Variants in PAFAH1B2 observed in about 807,000 individuals in gnomAD.
PAFAH1B2 encodes the protein platelet activating factor acetylhydrolase 1b catalytic subunit 2, also known as platelet-activating factor acetylhydrolase IB subunit alpha2.
A neutral mutation model predicts 28.0 loss-of-function variants in PAFAH1B2; 8 were observed. The observed-to-expected ratio is 0.29, with a 90% CI of 0.17 to 0.52. The LOEUF is 0.52. Among genes scored for constraint, PAFAH1B2 ranks in the 20% least tolerant of loss-of-function variants. PAFAH1B2 has a pLI of 0.97. For synonymous variants in PAFAH1B2, 104 were observed against 103.2 expected, an observed-to-expected ratio of 1.01 and a Z score of -0.05; for missense variants, 190 against 282.6, an observed-to-expected ratio of 0.67 and a Z score of 2.35.
intron 2 of PAFAH1B2, among the ~76,000 whole-genome samples, chr11:117,155,690 T>TTA (rs147864583): frequency 2.2e-3 from 326 of 150,666 alleles, no homozygotes; most frequent in African/African-American, 3.1e-3. Flanking sequence ...GTAGGAAAAA[T>TTA]TATATATATA....
rs1956436948 is a variant in PAFAH1B2 at position 117,163,897 on chromosome 11, G to A, written c.411+5G>A. 1 of 1,612,860 alleles carries A rather than the reference G, an allele frequency of 6.2e-7. No individual in the cohort carries two copies. Among genetic ancestry groups the A allele is most frequent in the Non-Finnish European group, 8.5e-7 (1 of 1,179,484 alleles). The stretch of plus-strand genomic sequence containing the variant: ...CAGGCCAAAATCATTGTATTGGTAT[G>A]TAGTCGTTGGTGGGTAGAGAGTTTG... On this transcript the variant is annotated splice_donor_5th_base_variant and intron_variant, in intron 5 of 5. Coordinates refer to ENST00000527958, the MANE Select transcript of PAFAH1B2 (RefSeq NM_002572.4).
downstream of PAFAH1B2, among the ~76,000 whole-genome samples, chr11:117,174,471 A>G (rs1591760944): frequency 6.9e-6 from 1 of 145,356 alleles, no homozygotes; most frequent in South Asian, 2.2e-4. Flanking sequence ...GGCGTGAGTC[A>G]CCGCCCCTGG....
In PAFAH1B2 at chr11:117,168,973, T is replaced by C. The variant is rs1319301936; in HGVS notation, c.*1274T>C. Reference sequence around the variant, plus strand: ...GCCCGGCTAATTTTTATATTTTTATTAGAGACGGGATTTCGCCATGTTAAC... The same window carrying C: ...GCCCGGCTAATTTTTATATTTTTATCAGAGACGGGATTTCGCCATGTTAAC... On this transcript the variant is annotated 3_prime_UTR_variant, in exon 6 of 6. Transcript: ENST00000527958. 3.1e-6 allele frequency: 1 copy of C among 318,982 alleles called. No homozygotes were observed. Among genetic ancestry groups the C allele is most frequent in the Non-Finnish European group, 4.7e-6 (1 of 211,184 alleles). The allele number at this position is 318,982 out of a possible 1,614,324, so 19.8% of individuals were successfully genotyped here.
downstream of PAFAH1B2, among the ~76,000 whole-genome samples, chr11:117,173,394 G>A (rs1434135314): frequency 2.0e-5 from 3 of 152,208 alleles, no homozygotes; most frequent in Non-Finnish European, 2.9e-5. Flanking sequence ...TCCACTGTGA[G>A]TACTTAGGAC....
intron 4 of PAFAH1B2, among the ~76,000 whole-genome samples, chr11:117,162,647 A>G (rs1862106319): frequency 6.6e-6 from 1 of 151,388 alleles, no homozygotes; most frequent in Admixed American, 6.6e-5. Context: ...CACACACCTT[A>G]GGAAGCTGAG....
chr11:117,167,283 C>A, intron 5 of PAFAH1B2, 138 bp from the exon 6 acceptor site: 1 of 871,198 alleles, frequency 1.1e-6, no homozygotes, highest in South Asian at 2.4e-5. Flanking sequence ...TCATTCAAAA[C>A]AGTATTTTCC....
intron 5 of PAFAH1B2, among the ~76,000 whole-genome samples, chr11:117,164,319 A>G (rs1028348824): frequency 6.6e-6 from 1 of 151,946 alleles, no homozygotes; most frequent in Non-Finnish European, 1.5e-5. Context: ...AGGCAGGAGA[A>G]TGGCGTGAAC....
At chr11:117,145,033 T>C (rs1181934026) in intron 1 of PAFAH1B2, among the ~76,000 whole-genome samples, 2 of 152,206 alleles carry the variant, frequency 1.3e-5, no homozygotes, top group African/African-American at 4.8e-5. Flanking sequence ...ATTCAAAAGT[T>C]GCATAGACCG....
At position 117,169,871 on chromosome 11, in the gene PAFAH1B2, A is replaced by G. The variant is rs1256449838; in HGVS notation, c.*2172A>G. ...GTGGGAGTATGGTCCAAATAAATCC[A>G]TTAGGTTACTCCTGCAGCATGCGCT... is the stretch of plus-strand genomic sequence containing the variant. On this transcript the variant is annotated 3_prime_UTR_variant, in exon 6 of 6. Transcript: ENST00000527958. 1.1e-5 allele frequency: 12 copies of G among 1,054,892 alleles called. No homozygotes were observed. Among genetic ancestry groups the G allele is most frequent in the Middle Eastern group, 4.3e-4 (1 of 2,350 alleles). The allele number at this position is 1,054,892 out of a possible 1,614,324, so 65.3% of individuals were successfully genotyped here. A position where few individuals can be genotyped will look rare whatever the true frequency, so the allele number is the denominator to read the frequency against.
chr11:117,174,921 A>G (rs1956747637), downstream of PAFAH1B2: 3 of 1,526,644 alleles, frequency 2.0e-6, no homozygotes, highest in Non-Finnish European at 2.6e-6. Context: ...GGCCATCTTC[A>G]GGTCATTTTA....
Position 117,170,929 on chromosome 11 carries a change from G to A in PAFAH1B2, c.*3230G>A. On this transcript the variant is annotated 3_prime_UTR_variant, in exon 6 of 6. Coordinates refer to ENST00000527958, the MANE Select transcript of PAFAH1B2 (RefSeq NM_002572.4). The stretch of plus-strand genomic sequence containing the variant: ...TCCTGCTTGGGGATCACTGCTGCTA[G>A]CTGACTGGACCTCCCCATTGGAAGT... The A allele has an allele frequency of 9.4e-7, 1 of 1,058,266 alleles. No individual in the cohort carries two copies. The highest frequency in any genetic ancestry group is 1.1e-6 in the Non-Finnish European group (1 of 874,790). 65.6% of individuals were successfully genotyped at this position (1,058,266 alleles called of 1,614,324 possible).
downstream of PAFAH1B2, chr11:117,175,678 C>A: frequency 1.6e-6 from 2 of 1,260,398 alleles, no homozygotes; most frequent in Non-Finnish European, 1.0e-6. Context: ...CGTTAAATTG[C>A]AGTTTTCTGG....
At chr11:117,164,910 C>G (rs1353203751) in intron 5 of PAFAH1B2, among the ~76,000 whole-genome samples, 1 of 151,192 alleles carries the variant, frequency 6.6e-6, no homozygotes, top group Non-Finnish European at 1.5e-5. Flanking sequence ...GTGGCACGTG[C>G]CTGTAATCCC....
intron 1 of PAFAH1B2, among the ~76,000 whole-genome samples, chr11:117,148,928 C>G (rs1228328812): frequency 6.6e-6 from 1 of 151,932 alleles, no homozygotes; most frequent in Non-Finnish European, 1.5e-5. Context: ...AGTGCAGTAG[C>G]ATGATCACAG....
intron 1 of PAFAH1B2, among the ~76,000 whole-genome samples, chr11:117,146,446 G>C (rs542752099): frequency 6.6e-6 from 1 of 152,218 alleles, no homozygotes; most frequent in African/African-American, 2.4e-5. Flanking sequence ...TATTTTATGT[G>C]TCCATAAGAG....
chr11:117,174,165 TGTGTGTGTGTG>T (rs981134317), downstream of PAFAH1B2, among the ~76,000 whole-genome samples: 1 of 4,650 alleles, frequency 2.2e-4, no homozygotes, highest in African/African-American at 1.0e-3. Context: ...TCATGTCTTT[TGTGTGTGTGTG>T]TGTGTGTGTG....
chr11:117,157,670 T>C lies in PAFAH1B2; in HGVS notation c.82-2264T>C, dbSNP rs556363904. ...ACCTAGGCATGATAGAGCATTCCTG[T>C]AGTCCTAGCTAGTTGGGAGGCTAAG... On this transcript the variant is annotated intron_variant, in intron 2 of 5. Transcript: ENST00000527958. 1.8e-4 allele frequency among the ~76,000 whole-genome samples: 27 copies of C among 152,294 alleles called. 1 individual carries two copies. The highest frequency in any genetic ancestry group is 6.5e-4 in the African/African-American group (27 of 41,574).
downstream of PAFAH1B2, among the ~76,000 whole-genome samples, chr11:117,171,947 C>A (rs1015952024): frequency 2.6e-5 from 4 of 152,056 alleles, no homozygotes; most frequent in Non-Finnish European, 5.9e-5. Context: ...TCTCATCACA[C>A]CAAGTTCCTC....
chr11:117,171,518 AGAGC>A (rs1956648866), downstream of PAFAH1B2: 1 of 584,338 alleles, frequency 1.7e-6, no homozygotes, highest in Non-Finnish European at 3.1e-6. Context: ...CCTGGGCAAC[AGAGC>A]GAGACTCTTG....
Sources: allele counts gnomAD v4.1 joint callset (sites outside exome capture counted in the v4.1 genomes callset), GRCh38; gene constraint gnomAD v4.1.1; transcripts MANE v1.5; gene names NCBI Gene and HGNC (gene_info 2026-07-23, HGNC 2026-07-21).